GALNTL6: variants seen among roughly 807,000 people sequenced by gnomAD.
The protein encoded by GALNTL6 is polypeptide N-acetylgalactosaminyltransferase like 6.
In GALNTL6, 46 loss-of-function variants were observed where a neutral mutation model predicts 73.7. The observed-to-expected ratio is 0.62, with a 90% CI of 0.49 to 0.80. The LOEUF (loss-of-function observed/expected upper bound fraction) is 0.80. Ranked by LOEUF, GALNTL6 falls within the 30% of genes least tolerant of loss-of-function variation. The pLI, the probability that GALNTL6 is intolerant of heterozygous loss-of-function variation, is 0.00. For synonymous variants in GALNTL6, 259 were observed against 263.7 expected (o/e 0.98, Z 0.17); for missense variants, 604 against 755.0 (o/e 0.80, Z 2.34).
intron 5 of GALNTL6, among the ~76,000 whole-genome samples, chr4:172,706,014 T>C (rs1014663738): frequency 8.5e-5 from 13 of 152,108 alleles, no homozygotes; most frequent in Admixed American, 8.5e-4. Context: ...TATATCTTTC[T>C]CTAGATTTTG....
chr4:172,958,349 C>A (rs926133410), intron 10 of GALNTL6, among the ~76,000 whole-genome samples: 3 of 152,136 alleles, frequency 2.0e-5, no homozygotes, highest in Non-Finnish European at 4.4e-5. Flanking sequence ...CTGCACAGCC[C>A]TGCACTTTGG....
intron 2 of GALNTL6, among the ~76,000 whole-genome samples, chr4:171,881,801 CT>C (rs1169209496): frequency 1.3e-5 from 2 of 152,088 alleles, no homozygotes; most frequent in Non-Finnish European, 2.9e-5. Context: ...GGCAAAAAAC[CT>C]TCATGGTTTC....
chr4:172,018,465 C>T (rs780477830), intron 2 of GALNTL6, among the ~76,000 whole-genome samples: 4 of 151,980 alleles, frequency 2.6e-5, no homozygotes, highest in Non-Finnish European at 5.9e-5. Context: ...CTCTGCTGTG[C>T]AGTATAGTTT....
At chr4:171,864,385 AG>A (rs33976088) in intron 2 of GALNTL6, among the ~76,000 whole-genome samples, 110,980 of 152,024 alleles carry the variant, frequency 0.73, 40,663 homozygotes, top group South Asian at 0.84. Flanking sequence ...TATGAGGTAT[AG>A]TGATTAAATT....
chr4:172,957,302 A>T (rs1310635983), intron 10 of GALNTL6, among the ~76,000 whole-genome samples: 2 of 152,098 alleles, frequency 1.3e-5, no homozygotes, highest in Non-Finnish European at 2.9e-5. Flanking sequence ...GTGGCTTGTA[A>T]CCTACATGGA....
intron 2 of GALNTL6, among the ~76,000 whole-genome samples, chr4:172,059,599 A>G (rs1233271713): frequency 6.6e-6 from 1 of 152,194 alleles, no homozygotes; most frequent in African/African-American, 2.4e-5. Context: ...AAGGAGTTTT[A>G]AAGAGATTTA....
At chr4:172,554,594 A>G (rs966481423) in intron 5 of GALNTL6, among the ~76,000 whole-genome samples, 2 of 152,172 alleles carry the variant, frequency 1.3e-5, no homozygotes, top group East Asian at 1.9e-4. Context: ...TCCCCACTAG[A>G]AAGAGTTACT....
intron 5 of GALNTL6, among the ~76,000 whole-genome samples, chr4:172,564,443 A>C (rs866000691): frequency 2.0e-5 from 3 of 152,198 alleles, no homozygotes; most frequent in Non-Finnish European, 4.4e-5. Flanking sequence ...TGTATTTTCT[A>C]CTGTTCTGTG....
chr4:172,613,610 T>C (rs1192552960), intron 5 of GALNTL6, among the ~76,000 whole-genome samples: 4 of 152,106 alleles, frequency 2.6e-5, no homozygotes, highest in Non-Finnish European at 5.9e-5. Context: ...GAAAAACCTA[T>C]GATTAATATT....
chr4:172,129,269 C>G (rs541794321), intron 2 of GALNTL6, among the ~76,000 whole-genome samples: 1 of 152,014 alleles, frequency 6.6e-6, no homozygotes, highest in Non-Finnish European at 1.5e-5. Flanking sequence ...AATATACAGG[C>G]AGAAAACTTA....
In GALNTL6 at chr4:173,032,334, C is replaced by A. The variant is rs1263709868; in HGVS notation, c.1639-7599C>A. On this transcript the variant is annotated intron_variant, in intron 12 of 12. Transcript: ENST00000506823. The stretch of plus-strand genomic sequence containing the variant: ...GGCGTGGTGGCGGATGACTGTAGTC[C>A]CAGCTACTCGGGAGGCTGAGGCAGG... Among the ~76,000 whole-genome samples, 4 of 152,208 alleles carry A rather than the reference C, an allele frequency of 2.6e-5. No individual in the cohort carries two copies. In the East Asian group the frequency reaches 7.7e-4, roughly 29 times the overall value.
intron 3 of GALNTL6, among the ~76,000 whole-genome samples, chr4:172,296,959 T>A (rs1281379931): frequency 1.3e-5 from 2 of 152,164 alleles, no homozygotes; most frequent in Admixed American, 6.6e-5. Context: ...CAGTGGTTGA[T>A]CTAGTTTACA....
intron 2 of GALNTL6, among the ~76,000 whole-genome samples, chr4:172,063,774 A>T (rs1392579466): frequency 6.6e-6 from 1 of 152,088 alleles, no homozygotes; most frequent in Non-Finnish European, 1.5e-5. Flanking sequence ...TATCATTTTT[A>T]TTGTTCTTAT....
chr4:171,917,300 G>A (rs1337301661), intron 2 of GALNTL6, among the ~76,000 whole-genome samples: 1 of 151,902 alleles, frequency 6.6e-6, no homozygotes, highest in African/African-American at 2.4e-5. Flanking sequence ...AAAAATTAAG[G>A]AAGGTGAGCT....
At chr4:171,931,712 A>G (rs1231032657) in intron 2 of GALNTL6, among the ~76,000 whole-genome samples, 1 of 152,212 alleles carries the variant, frequency 6.6e-6, no homozygotes, top group East Asian at 1.9e-4. Flanking sequence ...ATGTTATAAC[A>G]TGATAGTTAA....
chr4:172,639,059 T>C (rs914260355), intron 5 of GALNTL6, among the ~76,000 whole-genome samples: 1 of 152,162 alleles, frequency 6.6e-6, no homozygotes, highest in African/African-American at 2.4e-5. Flanking sequence ...TGGTATTAAC[T>C]TTGATCATTT....
At chr4:172,796,270 C>T (rs567726044) in intron 5 of GALNTL6, among the ~76,000 whole-genome samples, 1 of 152,236 alleles carries the variant, frequency 6.6e-6, no homozygotes, top group African/African-American at 2.4e-5. Flanking sequence ...TTTCTCCTGA[C>T]ACATAGTCAC....
At chr4:172,675,941 T>G (rs1281252977) in intron 5 of GALNTL6, among the ~76,000 whole-genome samples, 2 of 152,166 alleles carry the variant, frequency 1.3e-5, no homozygotes, top group Admixed American at 6.5e-5. Context: ...ATTGGATTCC[T>G]TAATAAGAGT....
intron 5 of GALNTL6, among the ~76,000 whole-genome samples, chr4:172,486,969 A>G (rs551433209): frequency 6.6e-6 from 1 of 152,356 alleles, no homozygotes; most frequent in East Asian, 1.9e-4. Context: ...GCAAATGTAT[A>G]AATCACCTAT....
Sources: allele counts gnomAD v4.1 joint callset (sites outside exome capture counted in the v4.1 genomes callset), GRCh38; gene constraint gnomAD v4.1.1; transcripts MANE v1.5; gene names NCBI Gene and HGNC (gene_info 2026-07-23, HGNC 2026-07-21).